Variants in SETDB1 observed in about 807,000 individuals in gnomAD.
SETDB1 encodes the protein histone-lysine N-methyltransferase SETDB1.
In SETDB1, 31 loss-of-function variants were observed where a neutral mutation model predicts 137.4. That is an observed-to-expected ratio of 0.23 (90% CI 0.17 to 0.30). The LOEUF (loss-of-function observed/expected upper bound fraction) is 0.30, where lower values mean the gene tolerates loss of function less well. Among genes scored for constraint, SETDB1 ranks in the 10% least tolerant of loss-of-function variants. SETDB1 has a pLI of 1.00. For missense variants in SETDB1, 1,113 were observed against 1,631.5 expected (o/e 0.68, Z 5.47); for synonymous variants, 548 against 579.9 (o/e 0.95, Z 0.79).
intron 9 of SETDB1, among the ~76,000 whole-genome samples, chr1:150,946,621 T>C (rs1397051446): frequency 2.0e-5 from 3 of 152,154 alleles, no homozygotes; most frequent in African/African-American, 7.2e-5. Context: ...GCTAATTTTG[T>C]ATTTTTAGTA....
chr1:150,942,422 T>TG, intron 5 of SETDB1, 141 bp from the exon 6 acceptor site: 1 of 639,100 alleles, frequency 1.6e-6, no homozygotes, highest in Non-Finnish European at 2.6e-6. Flanking sequence ...CACTCCAGCC[T>TG]GGTGACAGAG....
intron 8 of SETDB1, 65 bp from the exon 9 acceptor site, chr1:150,944,853 C>G: frequency 2.6e-6 from 4 of 1,566,958 alleles, no homozygotes; most frequent in Non-Finnish European, 3.5e-6. Context: ...GTCTCCTGGC[C>G]AAGTCTTTTC....
At chr1:150,944,192 C>CT (rs1670251390) in intron 8 of SETDB1, among the ~76,000 whole-genome samples, 199 bp downstream of exon 8, 1 of 152,192 alleles carries the variant, frequency 6.6e-6, no homozygotes, top group African/African-American at 2.4e-5. Flanking sequence ...AGGACTGGGT[C>CT]TTTGTAGACA....
rs761248445 is a variant in SETDB1, at chr1:150,964,372, C to T, written c.*8C>T. 8.2e-6 allele frequency: 13 copies of T among 1,590,644 alleles called. No individual in the cohort carries two copies. In the Middle Eastern group the frequency reaches 5.0e-4, roughly 61 times the overall value. On this transcript the variant is annotated 3_prime_UTR_variant, in exon 22 of 22. Coordinates refer to ENST00000692827, the MANE Select transcript of SETDB1 (RefSeq NM_001366418.1). ...AGAGGACGTCTTCTTTAGAGGACAGCCTTCTTCCCAACCCTTCTTGAACTG... is the reference window on the plus strand; with the variant it reads ...AGAGGACGTCTTCTTTAGAGGACAGTCTTCTTCCCAACCCTTCTTGAACTG...
intron 10 of SETDB1, among the ~76,000 whole-genome samples, chr1:150,947,472 C>G (rs1261167669): frequency 1.3e-5 from 2 of 151,992 alleles, no homozygotes; most frequent in Non-Finnish European, 2.9e-5. Context: ...AGTCAGTTTT[C>G]TTTAAAACCC....
chr1:150,941,254 T>A (rs1670141343), intron 4 of SETDB1, 75 bp from the exon 5 acceptor site: 1 of 778,788 alleles, frequency 1.3e-6, no homozygotes, highest in African/African-American at 1.7e-5. Context: ...AAATACAAGT[T>A]GTTTCTTATT....
chr1:150,927,681 A>T, intron 1 of SETDB1, 23 bp from the exon 2 acceptor site: 1 of 1,602,136 alleles, frequency 6.2e-7, no homozygotes, highest in Non-Finnish European at 8.5e-7. Flanking sequence ...ACTCCAATTT[A>T]ATTTGTTTTC....
At chr1:150,961,330 A>C in intron 16 of SETDB1, 139 bp downstream of exon 16, 2 of 864,734 alleles carry the variant, frequency 2.3e-6, no homozygotes, top group Non-Finnish European at 3.7e-6. Flanking sequence ...TCTCCCCCTA[A>C]CTAGCACATT....
At chr1:150,956,896 C>T (rs1670658248) in intron 14 of SETDB1, among the ~76,000 whole-genome samples, 1 of 152,100 alleles carries the variant, frequency 6.6e-6, no homozygotes, top group African/African-American at 2.4e-5. Flanking sequence ...GGGGGGATGG[C>T]TTGAGTTCAG....
chr1:150,927,670 G>A (rs1669575759), intron 1 of SETDB1, 34 bp from the exon 2 acceptor site: 2 of 1,587,942 alleles, frequency 1.3e-6, no homozygotes, highest in Non-Finnish European at 1.7e-6. Context: ...TAGTTATAAG[G>A]ACTCCAATTT....
chr1:150,949,828 A>G (rs1001461314), intron 12 of SETDB1, among the ~76,000 whole-genome samples: 5 of 152,234 alleles, frequency 3.3e-5, no homozygotes, highest in African/African-American at 4.8e-5. Flanking sequence ...CCTTGGAGTT[A>G]GTAAGGACAT....
At position 150,943,344 on chromosome 1, in the gene SETDB1, G is replaced by C. The variant is rs372911991; in HGVS notation, c.875+291G>C. Among the ~76,000 whole-genome samples the C allele has an allele frequency of 1.7e-4, 26 of 152,272 alleles. No homozygotes were observed. In the East Asian group the frequency reaches 4.0e-3, roughly 24 times the overall value. On this transcript the variant is annotated intron_variant, in intron 7 of 21. Transcript: ENST00000692827. ...CAGAAGAAAGAAATGGAGACTAAAT[G>C]GTTATTGGCAGCATAGGAATCTGAT...
chr1:150,943,060 G>A lies in SETDB1; in HGVS notation c.875+7G>A, dbSNP rs1670211242. The A allele has an allele frequency of 1.2e-6, 2 of 1,608,490 alleles. No individual in the cohort carries two copies. The highest frequency in any genetic ancestry group is 1.3e-5 in the African/African-American group (1 of 74,790). Reference sequence around the variant, plus strand: ...ACGTCAAAAACAAGCTCAGGTACCTGGACAGAGGACTGTAAAGGGGTAGAG... The same window carrying A: ...ACGTCAAAAACAAGCTCAGGTACCTAGACAGAGGACTGTAAAGGGGTAGAG... On this transcript the variant is annotated splice_region_variant and intron_variant, in intron 7 of 21. Coordinates refer to ENST00000692827, the MANE Select transcript of SETDB1 (RefSeq NM_001366418.1).
At chr1:150,927,606 A>G in intron 1 of SETDB1, 98 bp from the exon 2 acceptor site, 3 of 1,031,328 alleles carry the variant, frequency 2.9e-6, no homozygotes, top group Non-Finnish European at 4.3e-6. Context: ...AATAACAGGC[A>G]GCAGAGTAGG....
intron 14 of SETDB1, among the ~76,000 whole-genome samples, chr1:150,952,601 G>A (rs187750789): frequency 1.2e-3 from 187 of 152,174 alleles, no homozygotes; most frequent in African/African-American, 2.6e-3. Flanking sequence ...AAATGCCGCC[G>A]GGCGCAGTGG....
At chr1:150,940,922 C>T (rs904549777) in intron 4 of SETDB1, among the ~76,000 whole-genome samples, 8 of 151,536 alleles carry the variant, frequency 5.3e-5, no homozygotes, top group Admixed American at 2.0e-4. Context: ...CGCTTGAACC[C>T]GAGAGGCAGA....
At chr1:150,952,653 CG>C (rs1391320390) in intron 14 of SETDB1, among the ~76,000 whole-genome samples, 3 of 151,186 alleles carry the variant, frequency 2.0e-5, no homozygotes, top group Non-Finnish European at 3.0e-5. Flanking sequence ...CTGAGGCGGG[CG>C]GATCACCTGA....
At chr1:150,947,814 A>G (rs1281742737) in intron 10 of SETDB1, among the ~76,000 whole-genome samples, 1 of 152,122 alleles carries the variant, frequency 6.6e-6, no homozygotes, top group Admixed American at 6.5e-5. Flanking sequence ...CTTTTTTAAT[A>G]TTACTGTCAT....
intron 5 of SETDB1, 47 bp downstream of exon 5, chr1:150,941,475 C>T (rs1467740701): frequency 8.6e-7 from 1 of 1,168,736 alleles, no homozygotes; most frequent in Non-Finnish European, 1.3e-6. Context: ...TGAATTCTTA[C>T]AGAGATTTTG....
Sources: gnomAD v4.1 joint callset for allele counts (sites outside exome capture counted in the v4.1 genomes callset) on GRCh38, gnomAD v4.1.1 for gene constraint, MANE v1.5 for transcripts, NCBI Gene and HGNC (gene_info 2026-07-23, HGNC 2026-07-21) for gene names.